The following RFTN1 variants were observed in gnomAD, a reference collection of about 807,000 sequenced individuals.
RFTN1 encodes the protein raftlin.
Under a neutral mutation model 46.5 loss-of-function variants are expected in RFTN1, and 26 were observed. The observed-to-expected ratio is 0.56, with a 90% CI of 0.41 to 0.78. The LOEUF (loss-of-function observed/expected upper bound fraction) is 0.78, where lower values mean the gene tolerates loss of function less well. Ranked by LOEUF, RFTN1 falls within the 30% of genes least tolerant of loss-of-function variation. RFTN1 has a pLI of 0.00. For synonymous variants in RFTN1, 261 were observed against 284.2 expected (o/e 0.92, Z 0.82); for missense variants, 693 against 718.7 (o/e 0.96, Z 0.41).
chr3:16,397,582 A>G (rs1038121275), intron 4 of RFTN1, among the ~76,000 whole-genome samples: 2 of 152,242 alleles, frequency 1.3e-5, no homozygotes, highest in African/African-American at 4.8e-5. Flanking sequence ...CATGCTGTAA[A>G]CCTTAAATAT....
In RFTN1 at chr3:16,352,950, G is replaced by A. The variant is rs763277087; in HGVS notation, c.1146+4982C>T. 1.8e-4 allele frequency among the ~76,000 whole-genome samples: 27 copies of A among 152,250 alleles called. No homozygotes were observed. Among genetic ancestry groups the A allele is most frequent in the East Asian group, 1.4e-3 (7 of 5,182 alleles). On this transcript the variant is annotated intron_variant, in intron 7 of 9. Coordinates refer to ENST00000334133, the MANE Select transcript of RFTN1 (RefSeq NM_015150.2). The surrounding 1 kb of genome is among the most constrained non-coding windows in gnomAD (Gnocchi z 4.6). ...TGCACTGTCCGCACACTACATTTTC[G>A]TGTGTCCATGCACGTGAAGAGAGAG...
In RFTN1 at chr3:16,352,868, G is replaced by C. The variant is rs2072191348; in HGVS notation, c.1146+5064C>G. 6.6e-6 allele frequency among the ~76,000 whole-genome samples: 1 copy of C among 152,216 alleles called. No individual in the cohort carries two copies. The highest frequency in any genetic ancestry group is 6.5e-5 in the Admixed American group (1 of 15,276). On this transcript the variant is annotated intron_variant, in intron 7 of 9. Coordinates refer to ENST00000334133, the MANE Select transcript of RFTN1 (RefSeq NM_015150.2). This position sits in a 1 kb window ranked among gnomAD's most constrained non-coding sequence, Gnocchi z 4.6. ...GTCTGTCACTCAGCTTGGAATCAGA[G>C]AGGCAGGATGCACACTCAGGCCAGA...
chr3:16,371,256 A>T (rs1305161944), intron 5 of RFTN1, among the ~76,000 whole-genome samples: 1 of 152,244 alleles, frequency 6.6e-6, no homozygotes, highest in Admixed American at 6.5e-5. Context: ...ATTAGCAAGA[A>T]GGACAAAGCA....
chr3:16,513,319 A>T lies in RFTN1; in HGVS notation c.-9+123T>A, dbSNP rs1245965230. On this transcript the variant is annotated intron_variant, in intron 1 of 9. Transcript: ENST00000334133. This position sits in a 1 kb window ranked among gnomAD's most constrained non-coding sequence, Gnocchi z 5.4. ...CAGCTCCGGAGCCCCGGCAAAGAGC[A>T]ACCTGCAGGGAGGCGCCACGCGCGG... The T allele has an allele frequency of 6.5e-6, 1 of 152,762 alleles. No individual in the cohort carries two copies. Among genetic ancestry groups the T allele is most frequent in the Non-Finnish European group, 1.5e-5 (1 of 68,492 alleles). The allele number at this position is 152,762 out of a possible 1,614,324, so 9.5% of individuals were successfully genotyped here. A position where few individuals can be genotyped will look rare whatever the true frequency, so the allele number is the denominator to read the frequency against.
chr3:16,498,118 C>T lies in RFTN1; in HGVS notation c.-8-4241G>A. Among the ~76,000 whole-genome samples the T allele has an allele frequency of 6.6e-6, 1 of 152,198 alleles. No individual in the cohort carries two copies. Among genetic ancestry groups the T allele is most frequent in the South Asian group, 2.1e-4 (1 of 4,828 alleles). Reference sequence around the variant, plus strand: ...GCTCTGGGCAAATCATCCATGTGATCAGACACAGAAAAGATAAAGAGTATG... The same window carrying T: ...GCTCTGGGCAAATCATCCATGTGATTAGACACAGAAAAGATAAAGAGTATG... On this transcript the variant is annotated intron_variant, in intron 1 of 9. Transcript: ENST00000334133. The surrounding 1 kb of genome is among the most constrained non-coding windows in gnomAD (Gnocchi z 5.2).
intron 7 of RFTN1, among the ~76,000 whole-genome samples, chr3:16,340,191 C>T (rs986615068): frequency 2.0e-4 from 31 of 152,252 alleles, no homozygotes; most frequent in African/African-American, 7.2e-4. Flanking sequence ...GTGCCTGTTT[C>T]TCCATCTCTT....
Position 16,341,822 on chromosome 3 carries a change from T to A in RFTN1, c.1147-14946A>T, listed in dbSNP as rs1297232877. On this transcript the variant is annotated intron_variant, in intron 7 of 9. Transcript: ENST00000334133. The surrounding 1 kb of genome is among the most constrained non-coding windows in gnomAD (Gnocchi z 4.7). ...TAACAGAAACATTTTCAGCATACAG[T>A]TACATACAAAAATGTATAACAGTTT... Among the ~76,000 whole-genome samples, 1 of 152,142 alleles carries A rather than the reference T, an allele frequency of 6.6e-6. No individual in the cohort carries two copies. Among genetic ancestry groups the A allele is most frequent in the Non-Finnish European group, 1.5e-5 (1 of 68,022 alleles).
intron 2 of RFTN1, chr3:16,482,634 T>C (rs952577196): frequency 2.1e-6 from 2 of 963,058 alleles, no homozygotes; most frequent in South Asian, 1.4e-5. Context: ...TGAGCCTTGT[T>C]TCCTCATTTG....
rs774512730 is a variant in RFTN1 at position 16,457,574 on chromosome 3, A to G, written c.146-23537T>C. ...TAAGCATTACAAACTTACCTCAAAT[A>G]CCACTTATTTAGTTCTGTAAATTTT... On this transcript the variant is annotated intron_variant, in intron 2 of 9. Coordinates refer to ENST00000334133, the MANE Select transcript of RFTN1 (RefSeq NM_015150.2). This position sits in a 1 kb window ranked among gnomAD's most constrained non-coding sequence, Gnocchi z 4.2. Among the ~76,000 whole-genome samples the G allele has an allele frequency of 8.5e-5, 13 of 152,114 alleles. No individual in the cohort carries two copies. The highest frequency in any genetic ancestry group is 1.8e-4 in the Non-Finnish European group (12 of 68,032).
At chr3:16,403,326 T>C (rs1420391791) in intron 4 of RFTN1, among the ~76,000 whole-genome samples, 1 of 151,650 alleles carries the variant, frequency 6.6e-6, no homozygotes, top group Non-Finnish European at 1.5e-5. Flanking sequence ...AGTTATAACA[T>C]TGGCAAACTG....
intron 5 of RFTN1, among the ~76,000 whole-genome samples, chr3:16,375,895 T>A (rs1255389840): frequency 6.6e-6 from 1 of 152,120 alleles, no homozygotes; most frequent in East Asian, 1.9e-4. Flanking sequence ...TGGGTGTCAA[T>A]TTTTCTGTGT....
Position 16,386,367 on chromosome 3 carries a change from G to C in RFTN1, c.442-8265C>G, listed in dbSNP as rs191271667. On this transcript the variant is annotated intron_variant, in intron 4 of 9. Transcript: ENST00000334133. ...AACACTGTTTTAAAGGCTGTACGTG[G>C]ATTAACTCATTTAATCCTTATAATA... 1.2e-4 allele frequency among the ~76,000 whole-genome samples: 18 copies of C among 152,292 alleles called. No individual in the cohort carries two copies. The East Asian group carries it at 3.5e-3, about 29-fold the overall frequency.
At chr3:16,435,674 A>C (rs985155570) in intron 2 of RFTN1, among the ~76,000 whole-genome samples, 1 of 152,184 alleles carries the variant, frequency 6.6e-6, no homozygotes, top group African/African-American at 2.4e-5. Flanking sequence ...CCATTGTGTG[A>C]TATACCATGG....
chr3:16,476,472 A>G (rs1223168946), intron 2 of RFTN1, among the ~76,000 whole-genome samples: 1 of 152,226 alleles, frequency 6.6e-6, no homozygotes, highest in African/African-American at 2.4e-5. Context: ...CGTAAGTTCC[A>G]CAAAGAAAAT....
At position 16,335,776 on chromosome 3, in the gene RFTN1, TAAAAAAAA is replaced by T. The variant is rs540104859; in HGVS notation, c.1147-8908_1147-8901del. On this transcript the variant is annotated intron_variant, in intron 7 of 9. Transcript: ENST00000334133. This position sits in a 1 kb window ranked among gnomAD's most constrained non-coding sequence, Gnocchi z 4.7. ...ATCCTGCACTTGCACCCTGGAACTT[TAAAAAAAA>T]AAAAAAAAAAAGGAGTTTGATCACA... 7.3e-6 allele frequency among the ~76,000 whole-genome samples: 1 copy of T among 136,646 alleles called. No homozygotes were observed. The highest frequency in any genetic ancestry group is 1.6e-5 in the Non-Finnish European group (1 of 62,552). 89.6% of individuals were successfully genotyped at this position (136,646 alleles called of 152,430 possible).
rs956482086 is a variant in RFTN1, at chr3:16,384,117, G to T, written c.442-6015C>A. Among the ~76,000 whole-genome samples, 2 of 152,192 alleles carry T rather than the reference G, an allele frequency of 1.3e-5. No individual in the cohort carries two copies. The highest frequency in any genetic ancestry group is 6.5e-5 in the Admixed American group (1 of 15,276). On this transcript the variant is annotated intron_variant, in intron 4 of 9. Coordinates refer to ENST00000334133, the MANE Select transcript of RFTN1 (RefSeq NM_015150.2). This position sits in a 1 kb window ranked among gnomAD's most constrained non-coding sequence, Gnocchi z 4.7. ...AGACTGAGATTTCCCAAAGGAAAAAGAATTCTGCCTCTGGACTGCAACACA... is the reference window on the plus strand; with the variant it reads ...AGACTGAGATTTCCCAAAGGAAAAATAATTCTGCCTCTGGACTGCAACACA...
At position 16,418,071 on chromosome 3, in the gene RFTN1, A is replaced by G. The variant is rs2075117743; in HGVS notation, c.333-8588T>C. ...CAGTGGTGGGACCTAACCCTTTCCT[A>G]AGACATTAAAATAGCATTGTTGTAA... On this transcript the variant is annotated intron_variant, in intron 3 of 9. Transcript: ENST00000334133. This position sits in a 1 kb window ranked among gnomAD's most constrained non-coding sequence, Gnocchi z 5.0. 6.6e-6 allele frequency among the ~76,000 whole-genome samples: 1 copy of G among 152,112 alleles called. No individual in the cohort carries two copies. Among genetic ancestry groups the G allele is most frequent in the South Asian group, 2.1e-4 (1 of 4,828 alleles).
Position 16,449,574 on chromosome 3 carries a change from C to A in RFTN1, c.146-15537G>T, listed in dbSNP as rs2075790131. Among the ~76,000 whole-genome samples the A allele has an allele frequency of 6.6e-6, 1 of 152,198 alleles. No homozygotes were observed. Among genetic ancestry groups the A allele is most frequent in the African/African-American group, 2.4e-5 (1 of 41,446 alleles). On this transcript the variant is annotated intron_variant, in intron 2 of 9. Coordinates refer to ENST00000334133, the MANE Select transcript of RFTN1 (RefSeq NM_015150.2). The surrounding 1 kb of genome is among the most constrained non-coding windows in gnomAD (Gnocchi z 5.1). ...TTGTTGTTATCACCATTATGCATAA[C>A]CCTAATCACTTCACACATTGTTACT...
intron 2 of RFTN1, among the ~76,000 whole-genome samples, chr3:16,476,746 G>T (rs759619744): frequency 3.3e-5 from 5 of 152,194 alleles, no homozygotes; most frequent in Non-Finnish European, 5.9e-5. Context: ...ACTCACCATC[G>T]TGGGGGAAAC....
Sources: allele counts gnomAD v4.1 joint callset (sites outside exome capture counted in the v4.1 genomes callset), GRCh38; gene constraint gnomAD v4.1.1; non-coding constraint Gnocchi (gnomAD v3.1); transcripts MANE v1.5; gene names NCBI Gene and HGNC (gene_info 2026-07-23, HGNC 2026-07-21).